The following RSU1 variants were observed in gnomAD, a reference collection of about 807,000 sequenced individuals.
RSU1 encodes rsu-1.
A neutral mutation model predicts 31.1 loss-of-function variants in RSU1; 26 were observed. The observed-to-expected ratio is 0.84, with a 90% confidence interval of 0.61 to 1.16. The LOEUF (loss-of-function observed/expected upper bound fraction) is 1.16, where lower values mean the gene tolerates loss of function less well. Among genes scored for constraint, RSU1 ranks in the 50% most tolerant of loss-of-function variants. The pLI is 0.00. For missense variants in RSU1, 320 were observed against 339.1 expected (o/e 0.94, Z 0.44); for synonymous variants, 164 against 136.3 (o/e 1.20, Z -1.41).
At chr10:16,730,435 C>G (rs536787432) in intron 7 of RSU1, among the ~76,000 whole-genome samples, 1 of 152,132 alleles carries the variant, frequency 6.6e-6, no homozygotes, top group Non-Finnish European at 1.5e-5. Flanking sequence ...AGAAGCCACC[C>G]GGAAGAGAAG....
intron 7 of RSU1, among the ~76,000 whole-genome samples, chr10:16,701,791 C>G (rs2131571374): frequency 6.8e-6 from 1 of 147,466 alleles, no homozygotes; most frequent in Middle Eastern, 3.6e-3. Context: ...CTCTTCTTGG[C>G]CATTTGATAT....
intron 7 of RSU1, among the ~76,000 whole-genome samples, chr10:16,740,116 T>C (rs759752853): frequency 2.6e-5 from 4 of 152,148 alleles, no homozygotes; most frequent in Non-Finnish European, 4.4e-5. Flanking sequence ...TGAGACTCGA[T>C]AGTCCTGAAA....
intron 8 of RSU1, among the ~76,000 whole-genome samples, chr10:16,645,605 C>T (rs1326421868): frequency 4.6e-5 from 7 of 151,692 alleles, no homozygotes; most frequent in Non-Finnish European, 8.8e-5. Context: ...CTCAGGAGTT[C>T]AGGACCAGGC....
chr10:16,805,547 G>A (rs1316206194), intron 2 of RSU1, among the ~76,000 whole-genome samples: 1 of 150,894 alleles, frequency 6.6e-6, no homozygotes, highest in African/African-American at 2.4e-5. Flanking sequence ...GTTGTGGCGG[G>A]CGCCTGTAAT....
chr10:16,697,943 T>A (rs1029894475), intron 7 of RSU1, among the ~76,000 whole-genome samples: 2 of 151,418 alleles, frequency 1.3e-5, no homozygotes, highest in African/African-American at 4.8e-5. Context: ...CACAACTGCT[T>A]TGCTTTTAAC....
intron 2 of RSU1, among the ~76,000 whole-genome samples, chr10:16,782,806 G>A (rs1042894044): frequency 3.3e-5 from 5 of 152,050 alleles, no homozygotes; most frequent in East Asian, 1.9e-4. Flanking sequence ...AAGTAAAAGA[G>A]AGAAATGATC....
At chr10:16,809,990 G>A (rs1370093727) in intron 2 of RSU1, among the ~76,000 whole-genome samples, 3 of 150,930 alleles carry the variant, frequency 2.0e-5, no homozygotes, top group South Asian at 4.3e-4. Flanking sequence ...GGAGGCCGGG[G>A]GTGGGGGGGG....
chr10:16,772,171 G>C (rs1837435596), intron 3 of RSU1, among the ~76,000 whole-genome samples: 1 of 152,132 alleles, frequency 6.6e-6, no homozygotes, highest in Non-Finnish European at 1.5e-5. Flanking sequence ...GTGAAAATTA[G>C]AGGAAAAAAG....
chr10:16,707,971 T>C (rs1477419677), intron 7 of RSU1, among the ~76,000 whole-genome samples: 2 of 152,170 alleles, frequency 1.3e-5, no homozygotes, highest in Admixed American at 6.6e-5. Flanking sequence ...CTAAAGAGAT[T>C]TGTCTTTTCC....
rs56715139 is a variant in RSU1 at position 16,695,157 on chromosome 10, T to TGG, written c.599-4_599-3dup. The TGG allele has an allele frequency of 1.0e-3, 1,208 of 1,201,784 alleles. 4 individuals carry two copies. The highest frequency in any genetic ancestry group is 4.0e-3 in the East Asian group (130 of 32,702). 74.4% of individuals were successfully genotyped at this position (1,201,784 alleles called of 1,614,324 possible). A position where few individuals can be genotyped will look rare whatever the true frequency, so the allele number is the denominator to read the frequency against. The stretch of plus-strand genomic sequence containing the variant: ...TCTGGCCAGTTAAATCCAAGTTTCC[T>TGG]GGGGGGGGGGAAAAAAAAAGTGAAG... On this transcript the variant is annotated splice_polypyrimidine_tract_variant and splice_region_variant and intron_variant, in intron 7 of 8. Coordinates refer to ENST00000345264, the MANE Select transcript of RSU1 (RefSeq NM_012425.4).
intron 8 of RSU1, among the ~76,000 whole-genome samples, chr10:16,602,376 T>C (rs1481031932): frequency 6.6e-6 from 1 of 152,192 alleles, no homozygotes; most frequent in Admixed American, 6.5e-5. Context: ...GAAGCTCCTA[T>C]TATGATCATT....
At chr10:16,730,480 C>A (rs1836485946) in intron 7 of RSU1, among the ~76,000 whole-genome samples, 1 of 152,288 alleles carries the variant, frequency 6.6e-6, no homozygotes, top group African/African-American at 2.4e-5. Context: ...CCAACCACCA[C>A]AGATGAGTGA....
At chr10:16,713,599 G>A (rs1376808273) in intron 7 of RSU1, among the ~76,000 whole-genome samples, 1 of 152,044 alleles carries the variant, frequency 6.6e-6, no homozygotes, top group African/African-American at 2.4e-5. Flanking sequence ...TTGTTTTCCT[G>A]ATCTCACTGA....
intron 7 of RSU1, among the ~76,000 whole-genome samples, chr10:16,722,129 A>G (rs1248836779): frequency 6.6e-6 from 1 of 152,172 alleles, no homozygotes; most frequent in Admixed American, 6.5e-5. Flanking sequence ...TTATTACAGT[A>G]TATTGTTATA....
chr10:16,709,776 T>C (rs1386898800), intron 7 of RSU1, among the ~76,000 whole-genome samples: 3 of 152,210 alleles, frequency 2.0e-5, no homozygotes. Flanking sequence ...ATGTGTCTTT[T>C]GGCTGCATAA....
chr10:16,781,512 G>A (rs533141255), intron 3 of RSU1, among the ~76,000 whole-genome samples: 2 of 152,308 alleles, frequency 1.3e-5, no homozygotes, highest in South Asian at 4.1e-4. Flanking sequence ...AAATATAAAT[G>A]AAAACAAAGA....
At chr10:16,712,044 A>C (rs1836031533) in intron 7 of RSU1, among the ~76,000 whole-genome samples, 1 of 152,190 alleles carries the variant, frequency 6.6e-6, no homozygotes, top group African/African-American at 2.4e-5. Context: ...TATTTGTTAC[A>C]ATATTCTCTT....
intron 2 of RSU1, among the ~76,000 whole-genome samples, chr10:16,800,899 G>A (rs1443138004): frequency 6.7e-6 from 1 of 149,420 alleles, no homozygotes; most frequent in East Asian, 2.0e-4. Flanking sequence ...GTTGTGAGAA[G>A]AGAAAATGAA....
At chr10:16,764,258 G>T in intron 4 of RSU1, 132 bp downstream of exon 4, 2 of 1,091,484 alleles carry the variant, frequency 1.8e-6, no homozygotes, top group Non-Finnish European at 2.5e-6. Flanking sequence ...ATTTTTTTAA[G>T]ACCCAAAACA....
Sources: allele counts gnomAD v4.1 joint callset (sites outside exome capture counted in the v4.1 genomes callset), GRCh38; gene constraint gnomAD v4.1.1; transcripts MANE v1.5; gene names NCBI Gene and HGNC (gene_info 2026-07-23, HGNC 2026-07-21).